The following ZNF618 variants were observed in gnomAD, a reference collection of about 807,000 sequenced individuals.
The protein encoded by ZNF618 is zinc finger protein 618, also known as neural precursor cell expressed, developmentally down-regulated 10.
In ZNF618, 34 loss-of-function variants were observed where a neutral mutation model predicts 103.0. The ratio of observed to expected loss-of-function variants is 0.33; its 90% CI spans 0.25 to 0.44. The LOEUF is 0.44. Among genes scored for constraint, ZNF618 ranks in the 20% least tolerant of loss-of-function variants. The pLI, the probability that ZNF618 is intolerant of heterozygous loss-of-function variation, is 1.00. For missense variants in ZNF618, 1,059 were observed against 1,295.4 expected (o/e 0.82, Z 2.80); for synonymous variants, 551 against 542.2 (o/e 1.02, Z -0.23).
chr9:113,892,518 C>T (rs569803984), intron 1 of ZNF618, among the ~76,000 whole-genome samples: 8 of 151,916 alleles, frequency 5.3e-5, no homozygotes, highest in Non-Finnish European at 1.2e-4. Flanking sequence ...TTCAGATGGT[C>T]AAAGAAAAAA....
At position 113,947,045 on chromosome 9, in the gene ZNF618, T is replaced by C. The variant is rs1229256622; in HGVS notation, c.34-22072T>C. Among the ~76,000 whole-genome samples the C allele has an allele frequency of 2.2e-4, 33 of 152,222 alleles. 2 individuals are homozygous for C. Among genetic ancestry groups the C allele is most frequent in the Non-Finnish European group, 5.9e-5 (4 of 68,030 alleles). On this transcript the variant is annotated intron_variant, in intron 1 of 14. Transcript: ENST00000374126. ...AGACAGCATCTCCCCTGTCCCCTTCTGAGTGGAGGCCTGTTGTTATCCAGC... is the reference window on the plus strand; with the variant it reads ...AGACAGCATCTCCCCTGTCCCCTTCCGAGTGGAGGCCTGTTGTTATCCAGC...
intron 1 of ZNF618, among the ~76,000 whole-genome samples, chr9:113,909,122 G>T (rs1831261458): frequency 6.6e-6 from 1 of 151,926 alleles, no homozygotes; most frequent in African/African-American, 2.4e-5. Flanking sequence ...CCTGAGCAAG[G>T]ACACTCTCTC....
rs1430133742 is a variant in ZNF618 at position 113,951,551 on chromosome 9, A to ATATATG, written c.34-17565_34-17564insATATGT. The stretch of plus-strand genomic sequence containing the variant: ...CATATGTGTGTACATATGTACACAT[A>ATATATG]TGTGTGTGTATATGTGTGTGTGTAT... On this transcript the variant is annotated intron_variant, in intron 1 of 14. Transcript: ENST00000374126. Among the ~76,000 whole-genome samples, 980 of 51,174 alleles carry ATATATG rather than the reference A, an allele frequency of 0.019. 102 individuals are homozygous for ATATATG. In the East Asian group the frequency reaches 0.2, roughly 10 times the overall value. The allele number at this position is 51,174 out of a possible 152,430, so 33.6% of individuals were successfully genotyped here. A position where few individuals can be genotyped will look rare whatever the true frequency, so the allele number is the denominator to read the frequency against.
intron 2 of ZNF618, among the ~76,000 whole-genome samples, chr9:113,986,462 A>G (rs1839489777): frequency 6.6e-6 from 1 of 152,188 alleles, no homozygotes; most frequent in South Asian, 2.1e-4. Context: ...ATTTTCTCAC[A>G]GTTCTGGAGG....
chr9:113,929,972 C>G (rs974334629), intron 1 of ZNF618, among the ~76,000 whole-genome samples: 1 of 152,110 alleles, frequency 6.6e-6, no homozygotes, highest in Non-Finnish European at 1.5e-5. Context: ...TGGCTTTTTC[C>G]CCCATGATGA....
intron 1 of ZNF618, among the ~76,000 whole-genome samples, chr9:113,909,535 G>C (rs1323201344): frequency 6.6e-6 from 1 of 152,204 alleles, no homozygotes; most frequent in African/African-American, 2.4e-5. Flanking sequence ...GGTGTCATGT[G>C]ATGCCCACTG....
At position 113,972,581 on chromosome 9, in the gene ZNF618, C is replaced by T. The variant is rs542620457; in HGVS notation, c.77+3421C>T. 2.0e-5 allele frequency among the ~76,000 whole-genome samples: 3 copies of T among 152,166 alleles called. No homozygotes were observed. In the East Asian group the frequency reaches 5.8e-4, roughly 29 times the overall value. ...GGAAGGGATCAGTTAACACGTGTTA[C>T]AGGAGCCTGTTTGGGACCAGGGACT... On this transcript the variant is annotated intron_variant, in intron 2 of 14. Transcript: ENST00000374126.
At chr9:113,970,545 T>A (rs1459513348) in intron 2 of ZNF618, among the ~76,000 whole-genome samples, 3 of 152,080 alleles carry the variant, frequency 2.0e-5, no homozygotes, top group African/African-American at 7.2e-5. Context: ...ATACCTAAAT[T>A]TGCCCATAAA....
chr9:114,050,259 C>G lies in ZNF618; in HGVS notation c.*92C>G. The G allele has an allele frequency of 7.0e-7, 1 of 1,434,078 alleles. No individual in the cohort carries two copies. The highest frequency in any genetic ancestry group is 9.3e-7 in the Non-Finnish European group (1 of 1,076,110). The allele number at this position is 1,434,078 out of a possible 1,614,324, so 88.8% of individuals were successfully genotyped here. On this transcript the variant is annotated 3_prime_UTR_variant, in exon 15 of 15. Transcript: ENST00000374126. The stretch of plus-strand genomic sequence containing the variant: ...GTCACAAAGAAAAGGAATTTAAGTT[C>G]TAAACACTGTGGACCTCATTATAAA...
intron 1 of ZNF618, 65 bp from the exon 2 acceptor site, chr9:113,969,052 T>C: frequency 6.3e-7 from 1 of 1,576,116 alleles, no homozygotes; most frequent in Non-Finnish European, 8.7e-7. Flanking sequence ...CTTGATGGGG[T>C]GGCAGCAGGT....
At chr9:113,960,177 A>C (rs1836714042) in intron 1 of ZNF618, among the ~76,000 whole-genome samples, 1 of 152,206 alleles carries the variant, frequency 6.6e-6, no homozygotes, top group Non-Finnish European at 1.5e-5. Context: ...TGCTGCTCCC[A>C]GTAGCTCTCA....
intron 13 of ZNF618, among the ~76,000 whole-genome samples, chr9:114,039,818 C>A (rs2134429005): frequency 6.6e-6 from 1 of 152,322 alleles, no homozygotes; most frequent in Non-Finnish European, 1.5e-5. Flanking sequence ...CCAACAACAG[C>A]AGATGCCTCT....
At chr9:113,919,094 T>C (rs1437635901) in intron 1 of ZNF618, among the ~76,000 whole-genome samples, 1 of 152,172 alleles carries the variant, frequency 6.6e-6, no homozygotes, top group Non-Finnish European at 1.5e-5. Flanking sequence ...TTTTCAGTTT[T>C]ATCCAGTCTG....
chr9:113,936,963 G>A (rs1179391730), intron 1 of ZNF618, among the ~76,000 whole-genome samples: 1 of 151,852 alleles, frequency 6.6e-6, no homozygotes, highest in African/African-American at 2.4e-5. Flanking sequence ...CTTGATGGAG[G>A]GAGTTGAAAC....
rs193158411 is a variant in ZNF618, at chr9:114,052,038, A to G, written c.*1871A>G. On this transcript the variant is annotated 3_prime_UTR_variant, in exon 15 of 15. Transcript: ENST00000374126. ...TGTCATCCTGGGGTTGGCTAAGTCA[A>G]CTCCACCCCTTCCCAATAATAAAGC... is the stretch of plus-strand genomic sequence containing the variant. 4 of 152,148 alleles carry G rather than the reference A, an allele frequency of 2.6e-5. No homozygotes were observed. The highest frequency in any genetic ancestry group is 2.0e-4 in the Admixed American group (3 of 15,232). The allele number at this position is 152,148 out of a possible 1,614,324, so 9.4% of individuals were successfully genotyped here. A position where few individuals can be genotyped will look rare whatever the true frequency, so the allele number is the denominator to read the frequency against.
intron 2 of ZNF618, among the ~76,000 whole-genome samples, chr9:113,986,530 G>T (rs1839497012): frequency 6.6e-6 from 1 of 152,216 alleles, no homozygotes. Flanking sequence ...CTGCCTCCTG[G>T]CTGTAGAGGG....
chr9:113,892,537 C>T (rs1347365698), intron 1 of ZNF618, among the ~76,000 whole-genome samples: 1 of 152,098 alleles, frequency 6.6e-6, no homozygotes, highest in Admixed American at 6.6e-5. Flanking sequence ...AAGTTAAACA[C>T]GTCCATAACC....
intron 1 of ZNF618, among the ~76,000 whole-genome samples, chr9:113,879,091 A>C (rs1828242596): frequency 6.6e-6 from 1 of 151,668 alleles, no homozygotes; most frequent in Non-Finnish European, 1.5e-5. Context: ...AGGAATTTAT[A>C]ATTTCCAAGG....
At chr9:113,965,716 C>T (rs1368402807) in intron 1 of ZNF618, among the ~76,000 whole-genome samples, 3 of 152,182 alleles carry the variant, frequency 2.0e-5, no homozygotes, top group African/African-American at 7.2e-5. Context: ...ACGAGCTTGT[C>T]TGAGGTTCAA....
Sources: gnomAD v4.1 joint callset for allele counts (sites outside exome capture counted in the v4.1 genomes callset) on GRCh38, gnomAD v4.1.1 for gene constraint, MANE v1.5 for transcripts, NCBI Gene and HGNC (gene_info 2026-07-23, HGNC 2026-07-21) for gene names.